Variants in SLC27A4 observed in about 807,000 individuals in gnomAD.
The protein encoded by SLC27A4 is solute carrier family 27 member 4, also known as long-chain fatty acid transport protein 4.
In SLC27A4, 33 loss-of-function variants were observed where a neutral mutation model predicts 64.4. That is an observed-to-expected ratio of 0.51 (90% confidence interval 0.39 to 0.68). SLC27A4 has a LOEUF of 0.68. Ranked by LOEUF, SLC27A4 falls within the 30% of genes least tolerant of loss-of-function variation. The probability of loss-of-function intolerance (pLI) is 0.00; values close to 1 mark genes in which losing one functional copy is unlikely to be tolerated. For synonymous variants in SLC27A4, 377 were observed against 370.0 expected, an observed-to-expected ratio of 1.02 and a Z score of -0.22; for missense variants, 824 against 883.5, an observed-to-expected ratio of 0.93 and a Z score of 0.85.
rs532488551 is a variant in SLC27A4, at chr9:128,343,421, G to A, written c.161+128G>A. 1.1e-4 allele frequency: 120 copies of A among 1,067,882 alleles called. 2 individuals are homozygous for A. In the African/African-American group the frequency reaches 1.7e-3, roughly 15 times the overall value. The allele number at this position is 1,067,882 out of a possible 1,614,324, so 66.2% of individuals were successfully genotyped here. A position where few individuals can be genotyped will look rare whatever the true frequency, so the allele number is the denominator to read the frequency against. ...GGCAGCTGAGCTGAGTTCCAGAACAGCAGCCTCTGCTCCACACCCGTACCC... is the reference window on the plus strand; with the variant it reads ...GGCAGCTGAGCTGAGTTCCAGAACAACAGCCTCTGCTCCACACCCGTACCC... On this transcript the variant is annotated intron_variant, in intron 2 of 12. Coordinates refer to ENST00000300456, the MANE Select transcript of SLC27A4 (RefSeq NM_005094.4).
chr9:128,356,075 G>A (rs1376771860), intron 12 of SLC27A4, among the ~76,000 whole-genome samples: 1 of 152,194 alleles, frequency 6.6e-6, no homozygotes. Context: ...GCAGGAGAGA[G>A]GCTGGCCTAG....
At chr9:128,348,825 C>G in intron 4 of SLC27A4, 122 bp downstream of exon 4, 6 of 984,736 alleles carry the variant, frequency 6.1e-6, no homozygotes, top group Non-Finnish European at 9.2e-6. Flanking sequence ...GTCACGTCAC[C>G]TCCCTTTTTC....
chr9:128,355,963 A>T (rs1346239944), intron 12 of SLC27A4, among the ~76,000 whole-genome samples, 167 bp downstream of exon 12: 1 of 152,174 alleles, frequency 6.6e-6, no homozygotes, highest in Non-Finnish European at 1.5e-5. Flanking sequence ...GAGAAGACAC[A>T]CATTGTTCCT....
At chr9:128,352,840 C>G (rs1832757796) in intron 7 of SLC27A4, 93 bp downstream of exon 7, 8 of 1,126,680 alleles carry the variant, frequency 7.1e-6, no homozygotes, top group Non-Finnish European at 1.1e-5. Flanking sequence ...GCTGAGGTGG[C>G]CAGTCATTCC....
chr9:128,354,714 G>A (rs763958850), intron 9 of SLC27A4, among the ~76,000 whole-genome samples: 14 of 151,868 alleles, frequency 9.2e-5, no homozygotes, highest in South Asian at 4.2e-4. Context: ...TTGGGAGGCC[G>A]AGGCGGGTGG....
Position 128,352,912 on chromosome 9 carries a change from G to A in SLC27A4, c.988-113G>A, listed in dbSNP as rs1832759005. 5 of 1,132,930 alleles carry A rather than the reference G, an allele frequency of 4.4e-6. No homozygotes were observed. In the South Asian group the frequency reaches 5.3e-5, roughly 12 times the overall value. 70.2% of individuals were successfully genotyped at this position (1,132,930 alleles called of 1,614,324 possible). A position where few individuals can be genotyped will look rare whatever the true frequency, so the allele number is the denominator to read the frequency against. ...ATGGGAAGGCTGAGACCCGGAGAGG[G>A]AAAGGATGGCATGGCCAGCCCCTGG... On this transcript the variant is annotated intron_variant, in intron 7 of 12. Transcript: ENST00000300456.
At chr9:128,344,908 A>G (rs1255953782) in intron 2 of SLC27A4, among the ~76,000 whole-genome samples, 1 of 152,180 alleles carries the variant, frequency 6.6e-6, no homozygotes. Context: ...AGCTTTGAGC[A>G]GGCCACGGCA....
At chr9:128,354,356 G>A (rs1317215570) in intron 9 of SLC27A4, among the ~76,000 whole-genome samples, 3 of 152,136 alleles carry the variant, frequency 2.0e-5, no homozygotes, top group Admixed American at 2.0e-4. Flanking sequence ...CAGCCTCACT[G>A]TGCCTAAGTC....
At chr9:128,354,339 G>A (rs186334128) in intron 9 of SLC27A4, among the ~76,000 whole-genome samples, 8 of 152,258 alleles carry the variant, frequency 5.3e-5, no homozygotes, top group Admixed American at 3.3e-4. Context: ...TGTCATGGGC[G>A]AGTATTCAGC....
rs552566184 is a variant in SLC27A4, at chr9:128,356,645, CAT to C, written c.1774+853_1774+854del. On this transcript the variant is annotated intron_variant, in intron 12 of 12. Transcript: ENST00000300456. ...ATGGCAAAACCCCGTCTCCACTAAACATATAAAAATTAGCTGGCTGGGCGTGG... is the reference window on the plus strand; with the variant it reads ...ATGGCAAAACCCCGTCTCCACTAAACATAAAAATTAGCTGGCTGGGCGTGG... Among the ~76,000 whole-genome samples the C allele has an allele frequency of 5.3e-4, 80 of 151,880 alleles. No homozygotes were observed. In the South Asian group the frequency reaches 0.014, roughly 27 times the overall value.
At chr9:128,341,697 A>T (rs1012633354) in intron 1 of SLC27A4, among the ~76,000 whole-genome samples, 1 of 151,996 alleles carries the variant, frequency 6.6e-6, no homozygotes, top group African/African-American at 2.4e-5. Context: ...CTGGTCATCC[A>T]CAGAACCTCC....
chr9:128,346,944 G>A (rs1359942849), intron 3 of SLC27A4, among the ~76,000 whole-genome samples: 1 of 152,072 alleles, frequency 6.6e-6, no homozygotes, highest in Admixed American at 6.6e-5. Context: ...GACAGAGGTT[G>A]CAGTGAGCCG....
intron 1 of SLC27A4, chr9:128,342,147 G>A (rs774478071): frequency 3.9e-6 from 4 of 1,012,942 alleles, no homozygotes; most frequent in African/African-American, 1.6e-5. Flanking sequence ...CTTAGAACAC[G>A]TCTCAGGACA....
In SLC27A4 at chr9:128,345,696, A is replaced by C; in HGVS notation, c.556+147A>C. 1.1e-6 allele frequency: 1 copy of C among 946,502 alleles called. No individual in the cohort carries two copies. Among genetic ancestry groups the C allele is most frequent in the Non-Finnish European group, 1.5e-6 (1 of 655,906 alleles). 58.6% of individuals were successfully genotyped at this position (946,502 alleles called of 1,614,324 possible). On this transcript the variant is annotated intron_variant, in intron 3 of 12. Transcript: ENST00000300456. The surrounding 1 kb of genome is among the most constrained non-coding windows in gnomAD (Gnocchi z 4.1). ...ACAGCTTAGGCAGTGCCACGAGTAA[A>C]CGAGATCCTGGGGAAGGGACTGATT...
At chr9:128,344,925 G>C (rs1056561474) in intron 2 of SLC27A4, among the ~76,000 whole-genome samples, 4 of 152,158 alleles carry the variant, frequency 2.6e-5, no homozygotes, top group African/African-American at 9.7e-5. Flanking sequence ...GGCACCACGA[G>C]AGCCTTGATT....
Position 128,348,651 on chromosome 9 carries a change from G to C in SLC27A4, c.663G>C (p.Leu221=). Residue 221 remains leucine (L), a synonymous_variant, in exon 4 of 13, where the codon CTG becomes CTC. Coordinates refer to ENST00000300456, the MANE Select transcript of SLC27A4 (RefSeq NM_005094.4). ...CAAGCACAGAACACCTGGACCCTCT[G>C]CTGAAAGATGCTCCCAAGCACCTTC... ...VPPSTEHLDP[L]LKDAPKHLPS... 1.2e-6 allele frequency: 2 copies of C among 1,614,072 alleles called. No individual in the cohort carries two copies. Among genetic ancestry groups the C allele is most frequent in the Non-Finnish European group, 1.7e-6 (2 of 1,180,042 alleles).
In SLC27A4 at chr9:128,353,396, C is replaced by T; in HGVS notation, c.1198-19C>T. 1.9e-6 allele frequency: 3 copies of T among 1,614,204 alleles called. No individual in the cohort carries two copies. Among genetic ancestry groups the T allele is most frequent in the Non-Finnish European group, 2.5e-6 (3 of 1,180,036 alleles). On this transcript the variant is annotated intron_variant, in intron 8 of 12. Transcript: ENST00000300456. The surrounding 1 kb of genome is among the most constrained non-coding windows in gnomAD (Gnocchi z 4.9). ...GGCCCATGGTGAGAGAGCCCAGGCC[C>T]AAGTCTTGGCCTTCGCAGGTGGGGG...
intron 7 of SLC27A4, 28 bp downstream of exon 7, chr9:128,352,775 T>A: frequency 6.5e-7 from 1 of 1,529,136 alleles, no homozygotes; most frequent in Non-Finnish European, 9.1e-7. Context: ...GGGTGAGCTG[T>A]CCCTTTCCCC....
At chr9:128,352,378 C>T (rs1832749482) in intron 6 of SLC27A4, among the ~76,000 whole-genome samples, 1 of 152,074 alleles carries the variant, frequency 6.6e-6, no homozygotes, top group Non-Finnish European at 1.5e-5. Context: ...AAATATAGCT[C>T]CTGCCCTCCA....
Sources: allele counts gnomAD v4.1 joint callset (sites outside exome capture counted in the v4.1 genomes callset), GRCh38; gene constraint gnomAD v4.1.1; non-coding constraint Gnocchi (gnomAD v3.1); transcripts MANE v1.5; gene names NCBI Gene and HGNC (gene_info 2026-07-23, HGNC 2026-07-21).